LYPD6: variants seen among roughly 807,000 people sequenced by gnomAD.
The protein encoded by LYPD6 is LY6/PLAUR domain containing 6.
In LYPD6, 15 loss-of-function variants were observed where a neutral mutation model predicts 22.7. The observed-to-expected ratio is 0.66, with a 90% CI of 0.44 to 1.02. The LOEUF (loss-of-function observed/expected upper bound fraction) is 1.02, where lower values mean the gene tolerates loss of function less well. LYPD6 is among the 50% of genes least tolerant of loss of function. LYPD6 has a pLI of 0.00. For missense variants in LYPD6, 189 were observed against 208.4 expected (o/e 0.91, Z 0.57); for synonymous variants, 72 against 77.5 (o/e 0.93, Z 0.37).
intron 1 of LYPD6, among the ~76,000 whole-genome samples, chr2:149,347,010 T>A (rs1681269109): frequency 6.6e-6 from 1 of 152,196 alleles, no homozygotes; most frequent in African/African-American, 2.4e-5. Context: ...AAAAACTAGT[T>A]GTTTTTCTCA....
intron 1 of LYPD6, among the ~76,000 whole-genome samples, chr2:149,359,245 C>G (rs762591454): frequency 6.6e-6 from 1 of 152,134 alleles, no homozygotes; most frequent in African/African-American, 2.4e-5. Flanking sequence ...TGACTCAGAG[C>G]TTTTCTGAGA....
At chr2:149,411,533 T>C (rs973995708) in intron 1 of LYPD6, among the ~76,000 whole-genome samples, 5 of 152,218 alleles carry the variant, frequency 3.3e-5, no homozygotes, top group Non-Finnish European at 7.3e-5. Flanking sequence ...TCTTTTATTA[T>C]AGGCCTTCTC....
At chr2:149,482,994 C>T in the LYPD6 span, among the ~76,000 whole-genome samples, 2 of 152,196 alleles carry the variant, frequency 1.3e-5, no homozygotes, top group Non-Finnish European at 2.9e-5. Flanking sequence ...ACACGGGACT[C>T]CAAAGGTGAC....
At chr2:149,349,771 A>G (rs1484154535) in intron 1 of LYPD6, among the ~76,000 whole-genome samples, 1 of 152,236 alleles carries the variant, frequency 6.6e-6, no homozygotes, top group Non-Finnish European at 1.5e-5. Context: ...AACATGTTTC[A>G]CAGACTTTAT....
chr2:149,373,764 A>G (rs1681861216), intron 1 of LYPD6, among the ~76,000 whole-genome samples: 1 of 152,170 alleles, frequency 6.6e-6, no homozygotes, highest in Non-Finnish European at 1.5e-5. Flanking sequence ...TTTTTCTTGC[A>G]GGTTATTTGT....
intron 1 of LYPD6, among the ~76,000 whole-genome samples, chr2:149,341,528 G>A (rs114933165): frequency 0.013 from 1,917 of 152,212 alleles, 47 homozygotes; most frequent in African/African-American, 0.043. Context: ...ATGCTTAATA[G>A]AATAATGCCT....
Position 149,349,322 on chromosome 2 carries a change from T to C in LYPD6, c.-72+18600T>C, listed in dbSNP as rs1412158767. The stretch of plus-strand genomic sequence containing the variant: ...AAGTTGCAGTTGTGTGCTCCATTAT[T>C]ATTTGCTGTAGGTACAGAGAGAAGT... On this transcript the variant is annotated intron_variant, in intron 1 of 4. Coordinates refer to ENST00000334166, the MANE Select transcript of LYPD6 (RefSeq NM_194317.5). 2.0e-5 allele frequency among the ~76,000 whole-genome samples: 3 copies of C among 152,144 alleles called. No homozygotes were observed. In the East Asian group the frequency reaches 5.8e-4, roughly 29 times the overall value.
chr2:149,362,130 A>G (rs1445430381), intron 1 of LYPD6, among the ~76,000 whole-genome samples: 2 of 152,182 alleles, frequency 1.3e-5, no homozygotes, highest in Admixed American at 1.3e-4. Flanking sequence ...GACCTTCAGA[A>G]CTTTGAGATA....
At chr2:149,331,211 G>A (rs1379457543) in intron 1 of LYPD6, among the ~76,000 whole-genome samples, 1 of 152,110 alleles carries the variant, frequency 6.6e-6, no homozygotes, top group Non-Finnish European at 1.5e-5. Flanking sequence ...CAGTGTGCTG[G>A]AGGTACCTCC....
At chr2:149,331,655 A>G (rs935878071) in intron 1 of LYPD6, among the ~76,000 whole-genome samples, 5 of 152,036 alleles carry the variant, frequency 3.3e-5, no homozygotes, top group African/African-American at 1.2e-4. Flanking sequence ...GTGGGGGGGA[A>G]TGGAAGAGGG....
chr2:149,338,997 A>G (rs962735407), intron 1 of LYPD6, among the ~76,000 whole-genome samples: 1 of 152,188 alleles, frequency 6.6e-6, no homozygotes, highest in Non-Finnish European at 1.5e-5. Context: ...GAGCAATAAC[A>G]TGGTCAAGCC....
intron 1 of LYPD6, among the ~76,000 whole-genome samples, chr2:149,421,533 T>C (rs1269486016): frequency 6.6e-6 from 1 of 152,114 alleles, no homozygotes. Flanking sequence ...ACCTTGCACC[T>C]ACTAGGTTGA....
At chr2:149,417,513 A>G (rs1259290559) in intron 1 of LYPD6, among the ~76,000 whole-genome samples, 4 of 152,238 alleles carry the variant, frequency 2.6e-5, no homozygotes, top group Non-Finnish European at 5.9e-5. Flanking sequence ...TTTGAAGAGT[A>G]TCTAGAAAGT....
upstream of LYPD6, chr2:149,330,156 T>G (rs1451959788): frequency 6.6e-6 from 1 of 152,006 alleles, no homozygotes; most frequent in Non-Finnish European, 1.5e-5. Context: ...CTGGCCCGGC[T>G]GAGGCTGGCG....
At chr2:149,402,725 T>C (rs1467025245) in intron 1 of LYPD6, among the ~76,000 whole-genome samples, 1 of 151,924 alleles carries the variant, frequency 6.6e-6, no homozygotes, top group African/African-American at 2.4e-5. Flanking sequence ...TTTTTTTTTA[T>C]TTTTTTATTT....
intron 1 of LYPD6, among the ~76,000 whole-genome samples, chr2:149,375,872 G>A (rs1252441478): frequency 2.6e-5 from 4 of 152,192 alleles, no homozygotes; most frequent in Admixed American, 6.5e-5. Flanking sequence ...TGTGACTAAC[G>A]AGAACAATGC....
chr2:149,378,651 C>T (rs1681989013), intron 1 of LYPD6, among the ~76,000 whole-genome samples: 2 of 152,204 alleles, frequency 1.3e-5, no homozygotes, highest in Admixed American at 6.5e-5. Flanking sequence ...AAAGGGGAGT[C>T]TTGCATTCAG....
intron 1 of LYPD6, among the ~76,000 whole-genome samples, chr2:149,399,981 C>G (rs1026164056): frequency 2.6e-5 from 4 of 152,182 alleles, no homozygotes; most frequent in African/African-American, 2.4e-5. Context: ...CACACTTTTG[C>G]TGGTCCACAA....
At chr2:149,386,295 C>G (rs1248685305) in intron 1 of LYPD6, among the ~76,000 whole-genome samples, 1 of 152,172 alleles carries the variant, frequency 6.6e-6, no homozygotes, top group African/African-American at 2.4e-5. Context: ...ATTTCTTCCT[C>G]TGTGTAAGAT....
Sources: allele counts gnomAD v4.1 joint callset (sites outside exome capture counted in the v4.1 genomes callset), GRCh38; gene constraint gnomAD v4.1.1; transcripts MANE v1.5; gene names NCBI Gene and HGNC (gene_info 2026-07-23, HGNC 2026-07-21).